DDAH1: variants seen among roughly 807,000 people sequenced by gnomAD.
DDAH1 encodes the protein dimethylarginine dimethylaminohydrolase 1.
DDAH1 carries 19 observed loss-of-function variants against 28.8 expected under a neutral mutation model. That is an observed-to-expected ratio of 0.66 (90% confidence interval 0.46 to 0.97). The LOEUF (loss-of-function observed/expected upper bound fraction) is 0.97, where lower values mean the gene tolerates loss of function less well. DDAH1 is among the 50% of genes least tolerant of loss of function. The pLI, the probability that DDAH1 is intolerant of heterozygous loss-of-function variation, is 0.00. For synonymous variants in DDAH1, 153 were observed against 154.4 expected, an observed-to-expected ratio of 0.99 and a Z score of 0.07; for missense variants, 326 against 375.9, an observed-to-expected ratio of 0.87 and a Z score of 1.10.
chr1:85,522,489 T>C (rs1282929995), intron 1 of DDAH1, among the ~76,000 whole-genome samples: 2 of 148,298 alleles, frequency 1.3e-5, no homozygotes, highest in Admixed American at 1.3e-4. Flanking sequence ...GCTAAGCTAC[T>C]GTATGTGGGA....
At chr1:85,547,507 T>C (rs993000675) in intron 1 of DDAH1, among the ~76,000 whole-genome samples, 22 of 152,152 alleles carry the variant, frequency 1.4e-4, no homozygotes, top group African/African-American at 5.3e-4. Flanking sequence ...TCACAAATAC[T>C]CTCCCACATT....
chr1:85,560,733 A>G (rs777747193), intron 1 of DDAH1, among the ~76,000 whole-genome samples: 3 of 152,114 alleles, frequency 2.0e-5, no homozygotes, highest in Non-Finnish European at 4.4e-5. Context: ...AATCCTTTGG[A>G]GAAACTAAGT....
intron 1 of DDAH1, among the ~76,000 whole-genome samples, chr1:85,542,214 C>T (rs989218865): frequency 2.0e-5 from 3 of 152,086 alleles, no homozygotes; most frequent in Admixed American, 2.0e-4. Flanking sequence ...ATGGGAATGC[C>T]TATAAGAAGC....
At chr1:85,550,356 C>G (rs528013867) in intron 1 of DDAH1, among the ~76,000 whole-genome samples, 111 of 152,266 alleles carry the variant, frequency 7.3e-4, no homozygotes, top group South Asian at 3.7e-3. Flanking sequence ...GTCAATGGAG[C>G]AGCGGTAGCA....
intron 1 of DDAH1, among the ~76,000 whole-genome samples, chr1:85,402,161 ATTTTTTTTTT>A (rs11365834): frequency 8.3e-6 from 1 of 120,432 alleles, no homozygotes; most frequent in African/African-American, 3.2e-5. Context: ...TAATACTTCT[ATTTTTTTTTT>A]TTTTTTTTTT....
intron 1 of DDAH1, among the ~76,000 whole-genome samples, chr1:85,384,621 A>C (rs1000975370): frequency 3.3e-5 from 5 of 152,230 alleles, no homozygotes; most frequent in African/African-American, 9.6e-5. Context: ...GTAGCAGTTA[A>C]TCTTTCATGA....
chr1:85,528,959 G>T (rs1657985520), intron 1 of DDAH1, among the ~76,000 whole-genome samples: 1 of 150,142 alleles, frequency 6.7e-6, no homozygotes, highest in Admixed American at 6.7e-5. Context: ...GGGCAACAGA[G>T]CACAGAATTA....
At chr1:85,327,640 A>T (rs566385636) in intron 4 of DDAH1, among the ~76,000 whole-genome samples, 2 of 152,140 alleles carry the variant, frequency 1.3e-5, no homozygotes, top group Non-Finnish European at 2.9e-5. Context: ...CTGGGTCTGA[A>T]GCCTTGCTCA....
At chr1:85,428,522 G>A (rs1653518608) in intron 1 of DDAH1, among the ~76,000 whole-genome samples, 1 of 152,070 alleles carries the variant, frequency 6.6e-6, no homozygotes, top group Admixed American at 6.6e-5. Context: ...GGGAATTATG[G>A]GAGCTACAAA....
chr1:85,569,998 G>A (rs1659406370), intron 1 of DDAH1, among the ~76,000 whole-genome samples: 1 of 152,170 alleles, frequency 6.6e-6, no homozygotes, highest in Non-Finnish European at 1.5e-5. Flanking sequence ...CTCTCCAGGA[G>A]CTTCAGATTT....
intron 1 of DDAH1, among the ~76,000 whole-genome samples, chr1:85,567,827 C>CA (rs1157134562): frequency 6.6e-6 from 1 of 152,056 alleles, no homozygotes; most frequent in African/African-American, 2.4e-5. Context: ...AATAGGTAGA[C>CA]AAAAAAATCA....
chr1:85,320,483 G>A lies in DDAH1; in HGVS notation c.*969C>T, dbSNP rs3813600. 13,792 of 151,762 alleles carry A rather than the reference G, an allele frequency of 0.091. 840 individuals carry two copies. The highest frequency in any genetic ancestry group is 0.24 in the East Asian group (1,245 of 5,138). 9.4% of individuals were successfully genotyped at this position (151,762 alleles called of 1,614,324 possible). A position where few individuals can be genotyped will look rare whatever the true frequency, so the allele number is the denominator to read the frequency against. On this transcript the variant is annotated 3_prime_UTR_variant, in exon 6 of 6. Transcript: ENST00000284031. ...AGGGGTAGAAGACTGGAAATACGGT[G>A]AGTCAGGGTAGGTGGAAACAGAAAT...
intron 1 of DDAH1, among the ~76,000 whole-genome samples, chr1:85,418,851 AGGAGT>A (rs1366805281): frequency 1.3e-5 from 2 of 152,188 alleles, no homozygotes; most frequent in African/African-American, 4.8e-5. Context: ...TGGTGGATAA[AGGAGT>A]GGAGTACAGA....
intron 2 of DDAH1, among the ~76,000 whole-genome samples, chr1:85,490,202 T>C (rs999108172): frequency 2.0e-5 from 3 of 152,114 alleles, no homozygotes; most frequent in Non-Finnish European, 4.4e-5. Flanking sequence ...AAAAAGTGAG[T>C]TCATGAAAAT....
At chr1:85,369,905 G>A (rs927458888) in intron 1 of DDAH1, among the ~76,000 whole-genome samples, 2 of 152,134 alleles carry the variant, frequency 1.3e-5, no homozygotes, top group African/African-American at 4.8e-5. Context: ...CAACTCTGTT[G>A]CCCATAGGAA....
At chr1:85,459,823 AC>A (rs1239077435) in intron 1 of DDAH1, among the ~76,000 whole-genome samples, 1 of 152,242 alleles carries the variant, frequency 6.6e-6, no homozygotes, top group Non-Finnish European at 1.5e-5. Flanking sequence ...TAAAGTGAAA[AC>A]AACATATTCT....
At chr1:85,515,775 T>C (rs1428684837) in intron 1 of DDAH1, among the ~76,000 whole-genome samples, 4 of 151,890 alleles carry the variant, frequency 2.6e-5, no homozygotes, top group African/African-American at 9.7e-5. Context: ...TAGAAACTTC[T>C]GAAAAAAAAA....
chr1:85,389,303 C>T (rs1160814195), intron 1 of DDAH1, among the ~76,000 whole-genome samples: 1 of 152,060 alleles, frequency 6.6e-6, no homozygotes, highest in Non-Finnish European at 1.5e-5. Flanking sequence ...TATCTCAAAG[C>T]GTTGTGATGA....
intron 1 of DDAH1, among the ~76,000 whole-genome samples, chr1:85,450,203 CA>C (rs1654607343): frequency 6.6e-6 from 1 of 152,192 alleles, no homozygotes; most frequent in South Asian, 2.1e-4. Flanking sequence ...AATTAAACTA[CA>C]GGCTCCATGA....
Sources: allele counts gnomAD v4.1 joint callset (sites outside exome capture counted in the v4.1 genomes callset), GRCh38; gene constraint gnomAD v4.1.1; transcripts MANE v1.5; gene names NCBI Gene and HGNC (gene_info 2026-07-23, HGNC 2026-07-21).